The following CSMD2 variants were observed in gnomAD, a reference collection of about 807,000 sequenced individuals.
CSMD2 encodes the protein CUB and sushi domain-containing protein 2.
In CSMD2, 130 loss-of-function variants were observed where a neutral mutation model predicts 398.5. That is an observed-to-expected ratio of 0.33 (90% CI 0.28 to 0.38). The LOEUF is 0.38. Ranked by LOEUF, CSMD2 falls within the 10% of genes least tolerant of loss-of-function variation. CSMD2 has a pLI of 1.00. For synonymous variants in CSMD2, 1,828 were observed against 1,908.5 expected (o/e 0.96, Z 1.10); for missense variants, 3,829 against 4,764.9 (o/e 0.80, Z 5.78).
chr1:33,779,723 C>T (rs1652462483), intron 12 of CSMD2, among the ~76,000 whole-genome samples: 3 of 152,218 alleles, frequency 2.0e-5, no homozygotes, highest in Non-Finnish European at 4.4e-5. Flanking sequence ...TCTCTCGCTC[C>T]CAGCCCCCTT....
At chr1:33,765,517 G>C (rs879799586) in intron 13 of CSMD2, among the ~76,000 whole-genome samples, 3 of 152,192 alleles carry the variant, frequency 2.0e-5, no homozygotes, top group Admixed American at 2.0e-4. Flanking sequence ...CTGCATAATA[G>C]TTTGGACAAT....
intron 3 of CSMD2, among the ~76,000 whole-genome samples, chr1:33,966,253 G>A (rs867873504): frequency 9.9e-5 from 15 of 152,146 alleles, no homozygotes; most frequent in South Asian, 4.1e-4. Flanking sequence ...TGCAATTCTA[G>A]GCCAACCTTG....
chr1:34,111,145 C>G (rs1431569837), intron 1 of CSMD2, among the ~76,000 whole-genome samples: 1 of 152,216 alleles, frequency 6.6e-6, no homozygotes, highest in Non-Finnish European at 1.5e-5. Context: ...GTGCCTAGAA[C>G]AGTAACTGGC....
intron 5 of CSMD2, among the ~76,000 whole-genome samples, chr1:33,891,924 A>C (rs1254616058): frequency 8.3e-5 from 12 of 145,048 alleles, no homozygotes; most frequent in African/African-American, 3.0e-4. Context: ...GGGGAGGGAT[A>C]GCATTAGGAG....
chr1:34,045,882 T>C (rs1216984116), intron 2 of CSMD2, among the ~76,000 whole-genome samples: 1 of 152,246 alleles, frequency 6.6e-6, no homozygotes, highest in Non-Finnish European at 1.5e-5. Flanking sequence ...CACAGAATAC[T>C]ATCCAATATG....
rs776569247 is a variant in CSMD2, at chr1:33,853,570, G to A, written c.921-6574C>T. On this transcript the variant is annotated intron_variant, in intron 5 of 70. Transcript: ENST00000373381. ...CAATAACAAGTATGACTGGCACTGA[G>A]AGACTTGGCAACAAACCCAACTGAA... Among the ~76,000 whole-genome samples, 35 of 151,878 alleles carry A rather than the reference G, an allele frequency of 2.3e-4. 1 individual carries two copies. Among genetic ancestry groups the A allele is most frequent in the Middle Eastern group, 3.4e-3 (1 of 294 alleles).
intron 12 of CSMD2, among the ~76,000 whole-genome samples, chr1:33,783,431 TTCTCTCTC>T (rs55769634): frequency 0.32 from 43,175 of 134,938 alleles, 7,114 homozygotes; most frequent in East Asian, 0.43. Context: ...CATTCTCTCA[TTCTCTCTC>T]TCTCTCTCTC....
chr1:34,030,273 A>G (rs1650243533), intron 3 of CSMD2, among the ~76,000 whole-genome samples: 1 of 152,216 alleles, frequency 6.6e-6, no homozygotes, highest in Admixed American at 6.5e-5. Context: ...ACAGCTGCAG[A>G]CCAGGGGTAA....
chr1:33,819,919 G>C, intron 8 of CSMD2, 82 bp from the exon 9 acceptor site: 6 of 1,562,870 alleles, frequency 3.8e-6, no homozygotes, highest in Non-Finnish European at 5.2e-6. Flanking sequence ...CCACAAAGAA[G>C]CCGCACATGT....
At chr1:33,808,278 G>A (rs1205065959) in intron 10 of CSMD2, among the ~76,000 whole-genome samples, 1 of 151,718 alleles carries the variant, frequency 6.6e-6, no homozygotes, top group African/African-American at 2.4e-5. Flanking sequence ...CAAGCTTGAT[G>A]TAATGGACAT....
At chr1:34,143,996 T>A (rs997871041) in intron 1 of CSMD2, among the ~76,000 whole-genome samples, 36 of 152,250 alleles carry the variant, frequency 2.4e-4, no homozygotes, top group African/African-American at 8.4e-4. Flanking sequence ...CAGGGGACAA[T>A]GAAGGGTAGA....
At chr1:34,058,328 G>C (rs80010202) in intron 2 of CSMD2, among the ~76,000 whole-genome samples, 2,002 of 152,236 alleles carry the variant, frequency 0.013, 43 homozygotes, top group African/African-American at 0.046. Context: ...TGATTCAATG[G>C]GGTGCTATAG....
intron 10 of CSMD2, among the ~76,000 whole-genome samples, chr1:33,797,525 C>T (rs551122152): frequency 3.2e-4 from 48 of 152,162 alleles, no homozygotes; most frequent in Admixed American, 6.5e-4. Context: ...CTGGGACTCC[C>T]ACCAGGCAGG....
intron 15 of CSMD2, among the ~76,000 whole-genome samples, chr1:33,727,308 G>C (rs565606457): frequency 9.9e-5 from 15 of 152,192 alleles, no homozygotes; most frequent in Non-Finnish European, 1.8e-4. Flanking sequence ...ACACTGGGAG[G>C]CCTAGGCACA....
chr1:34,003,553 C>T (rs1465860507), intron 3 of CSMD2, among the ~76,000 whole-genome samples: 1 of 152,184 alleles, frequency 6.6e-6, no homozygotes. Context: ...ATGGGCTAAG[C>T]ATTCCCATGC....
chr1:33,906,884 G>A (rs948037123), intron 5 of CSMD2, among the ~76,000 whole-genome samples: 1 of 151,956 alleles, frequency 6.6e-6, no homozygotes, highest in African/African-American at 2.4e-5. Flanking sequence ...AAGAAGGAAT[G>A]GACATCAAAG....
intron 68 of CSMD2, among the ~76,000 whole-genome samples, chr1:33,520,556 G>A (rs574226520): frequency 6.6e-6 from 1 of 152,356 alleles, no homozygotes; most frequent in South Asian, 2.1e-4. Flanking sequence ...GGCCTTTGCA[G>A]CGTGCCTGGC....
At chr1:34,077,479 G>GC (rs1293230651) in intron 2 of CSMD2, among the ~76,000 whole-genome samples, 2 of 96,836 alleles carry the variant, frequency 2.1e-5, no homozygotes, top group African/African-American at 4.0e-5. Context: ...AAAAAAAAAA[G>GC]CAGTGAGGAC....
At chr1:34,047,541 C>T (rs1652670954) in intron 2 of CSMD2, among the ~76,000 whole-genome samples, 1 of 152,170 alleles carries the variant, frequency 6.6e-6, no homozygotes, top group Admixed American at 6.5e-5. Flanking sequence ...CCTTTTCCCA[C>T]CAGTGTGTGA....
Sources: allele counts gnomAD v4.1 joint callset (sites outside exome capture counted in the v4.1 genomes callset), GRCh38; gene constraint gnomAD v4.1.1; transcripts MANE v1.5; gene names NCBI Gene and HGNC (gene_info 2026-07-23, HGNC 2026-07-21).